The following DTD1 variants were observed in gnomAD, a reference collection of about 807,000 sequenced individuals.
DTD1 encodes the protein D-tyrosyl-tRNA deacylase 1 homolog.
Under a neutral mutation model 25.6 loss-of-function variants are expected in DTD1, and 13 were observed. The observed-to-expected ratio is 0.51, with a 90% CI of 0.33 to 0.81. DTD1 has a LOEUF of 0.81. Ranked by LOEUF, DTD1 falls within the 30% of genes least tolerant of loss-of-function variation. DTD1 has a pLI of 0.02. For synonymous variants in DTD1, 110 were observed against 103.6 expected (o/e 1.06, Z -0.37); for missense variants, 193 against 266.4 (o/e 0.72, Z 1.92).
chr20:18,601,335 T>C (rs1417769851), intron 3 of DTD1, among the ~76,000 whole-genome samples: 1 of 151,804 alleles, frequency 6.6e-6, no homozygotes, highest in Admixed American at 6.6e-5. Flanking sequence ...CCAATTTCTA[T>C]GAAAAATACA....
chr20:18,750,247 A>G (rs1453519501), intron 5 of DTD1, among the ~76,000 whole-genome samples: 1 of 152,114 alleles, frequency 6.6e-6, no homozygotes, highest in Admixed American at 6.6e-5. Flanking sequence ...TTCTGATGAA[A>G]TTTGTCATCC....
chr20:18,708,232 T>TTATA (rs1405109184), intron 4 of DTD1, among the ~76,000 whole-genome samples: 4 of 22,336 alleles, frequency 1.8e-4, no homozygotes, highest in Non-Finnish European at 1.4e-4. Context: ...TATATATATT[T>TTATA]TATATATATA....
intron 4 of DTD1, among the ~76,000 whole-genome samples, chr20:18,673,479 T>C (rs2060958342): frequency 6.6e-6 from 1 of 152,208 alleles, no homozygotes; most frequent in African/African-American, 2.4e-5. Context: ...ATGAAAACTT[T>C]TCTTGTCAAG....
chr20:18,593,421 A>G (rs971440329), intron 1 of DTD1, among the ~76,000 whole-genome samples: 1 of 152,206 alleles, frequency 6.6e-6, no homozygotes, highest in African/African-American at 2.4e-5. Flanking sequence ...ATAGATGGGC[A>G]AACTTGACCA....
intron 4 of DTD1, among the ~76,000 whole-genome samples, chr20:18,701,565 T>A (rs191116075): frequency 6.6e-6 from 1 of 152,302 alleles, no homozygotes; most frequent in East Asian, 1.9e-4. Context: ...ACAAGGGACA[T>A]CCCAGAGCCC....
At chr20:18,656,276 AATT>A (rs2060891259) in intron 4 of DTD1, among the ~76,000 whole-genome samples, 1 of 152,180 alleles carries the variant, frequency 6.6e-6, no homozygotes, top group African/African-American at 2.4e-5. Flanking sequence ...GTTCTAGGTT[AATT>A]ATTCTCTAAA....
chr20:18,659,100 A>T (rs185042920), intron 4 of DTD1, among the ~76,000 whole-genome samples: 40 of 152,380 alleles, frequency 2.6e-4, no homozygotes, highest in Admixed American at 2.6e-3. Flanking sequence ...AGAGATCTCA[A>T]ATGTGCATGG....
chr20:18,700,612 G>A (rs181820306), intron 4 of DTD1, among the ~76,000 whole-genome samples: 22 of 151,826 alleles, frequency 1.4e-4, no homozygotes, highest in South Asian at 4.2e-4. Context: ...TAGTGTACCC[G>A]TCACCCGAGT....
At chr20:18,755,731 A>G (rs1219754462) in intron 5 of DTD1, among the ~76,000 whole-genome samples, 1 of 152,210 alleles carries the variant, frequency 6.6e-6, no homozygotes, top group Non-Finnish European at 1.5e-5. Flanking sequence ...CAATAAACAT[A>G]CGTGTGCATA....
At chr20:18,696,027 AT>A (rs1342032186) in intron 4 of DTD1, among the ~76,000 whole-genome samples, 1 of 152,036 alleles carries the variant, frequency 6.6e-6, no homozygotes, top group Non-Finnish European at 1.5e-5. Flanking sequence ...TTTGGTGACA[AT>A]TATAATAGTC....
At chr20:18,608,090 T>G (rs887356180) in intron 3 of DTD1, among the ~76,000 whole-genome samples, 2 of 152,166 alleles carry the variant, frequency 1.3e-5, no homozygotes, top group Non-Finnish European at 2.9e-5. Context: ...TCTTTTTTTT[T>G]TCTTTGGGAA....
At chr20:18,685,778 C>T (rs2061014259) in intron 4 of DTD1, among the ~76,000 whole-genome samples, 1 of 152,190 alleles carries the variant, frequency 6.6e-6, no homozygotes, top group Non-Finnish European at 1.5e-5. Context: ...AATGTACCTT[C>T]TTTGATGCAG....
chr20:18,639,349 A>G (rs1222219874), intron 4 of DTD1, among the ~76,000 whole-genome samples: 1 of 152,196 alleles, frequency 6.6e-6, no homozygotes, highest in Non-Finnish European at 1.5e-5. Context: ...AATTTGATTT[A>G]TGTATACTAT....
chr20:18,623,670 G>A (rs6112041), intron 3 of DTD1, among the ~76,000 whole-genome samples: 213 of 152,252 alleles, frequency 1.4e-3, no homozygotes, highest in African/African-American at 4.7e-3. Context: ...CAGGCCGTCT[G>A]CATCTTTCAT....
chr20:18,739,545 C>T (rs1195989455), intron 4 of DTD1, among the ~76,000 whole-genome samples: 2 of 152,150 alleles, frequency 1.3e-5, no homozygotes, highest in African/African-American at 2.4e-5. Context: ...GCTTTCTTGC[C>T]AGTTGATTAA....
At chr20:18,733,196 T>G (rs1480944311) in intron 4 of DTD1, among the ~76,000 whole-genome samples, 1 of 151,978 alleles carries the variant, frequency 6.6e-6, no homozygotes, top group African/African-American at 2.4e-5. Context: ...AGAAGGAGGG[T>G]GGGGTTCTTA....
chr20:18,737,622 C>A (rs1350453332), intron 4 of DTD1, among the ~76,000 whole-genome samples: 1 of 152,236 alleles, frequency 6.6e-6, no homozygotes, highest in Non-Finnish European at 1.5e-5. Flanking sequence ...GCACACAGGG[C>A]CCTTTCCTGA....
chr20:18,632,709 C>A, intron 4 of DTD1: 1 of 950,868 alleles, frequency 1.1e-6, no homozygotes, highest in Non-Finnish European at 1.3e-6. Context: ...AAAAATGATT[C>A]TTTTAGCAGG....
chr20:18,600,422 G>A (rs1324375911), intron 3 of DTD1, among the ~76,000 whole-genome samples: 1 of 152,132 alleles, frequency 6.6e-6, no homozygotes, highest in Non-Finnish European at 1.5e-5. Context: ...ATTTATCAGG[G>A]TCGAATTCTG....
Sources: gnomAD v4.1 joint callset for allele counts (sites outside exome capture counted in the v4.1 genomes callset) on GRCh38, gnomAD v4.1.1 for gene constraint, MANE v1.5 for transcripts, NCBI Gene and HGNC (gene_info 2026-07-23, HGNC 2026-07-21) for gene names.